Variants in NR3C1 observed in about 807,000 individuals in gnomAD.
The protein encoded by NR3C1 is nuclear receptor subfamily 3 group C member 1.
In NR3C1, 14 loss-of-function variants were observed where a neutral mutation model predicts 74.0. The ratio of observed to expected loss-of-function variants is 0.19; its 90% CI spans 0.12 to 0.30. The LOEUF is 0.30. NR3C1 is among the 10% of genes least tolerant of loss of function. The pLI is 1.00. For missense variants in NR3C1, 695 were observed against 909.8 expected, an observed-to-expected ratio of 0.76 and a Z score of 3.04; for synonymous variants, 308 against 332.5, an observed-to-expected ratio of 0.93 and a Z score of 0.80.
In NR3C1 at chr5:143,280,396, A is replaced by G. The variant is rs2151467784; in HGVS notation, c.*1493T>C. On this transcript the variant is annotated 3_prime_UTR_variant, in exon 9 of 9. Transcript: ENST00000394464. ...ATATTAGAAGTTCCATATTTTTAAT[A>G]TTAGATTTTCAGTTTTCTATTACAC... 6.5e-6 allele frequency: 1 copy of G among 152,750 alleles called. No homozygotes were observed. Among genetic ancestry groups the G allele is most frequent in the East Asian group, 1.9e-4 (1 of 5,192 alleles). 9.5% of individuals were successfully genotyped at this position (152,750 alleles called of 1,614,324 possible).
At chr5:143,295,195 GA>G in intron 7 of NR3C1, 2 of 985,260 alleles carry the variant, frequency 2.0e-6, no homozygotes, top group Non-Finnish European at 2.4e-6. Flanking sequence ...GAAGGAAGGA[GA>G]AAAAAGTCTA....
At position 143,431,930 on chromosome 5, in the gene NR3C1, TGAC is replaced by T. The variant is rs563067620; in HGVS notation, c.-14+2599_-14+2601del. Among the ~76,000 whole-genome samples the T allele has an allele frequency of 2.9e-3, 441 of 152,332 alleles. 4 individuals carry two copies. Among genetic ancestry groups the T allele is most frequent in the African/African-American group, 0.01 (429 of 41,572 alleles). On this transcript the variant is annotated intron_variant, in intron 1 of 8. Coordinates refer to the NR3C1 transcript ENST00000343796. ...AGCAATTACATCCTCTGGCTTTGAA[TGAC>T]ATTTATATGGGTTTGGGAACAGAGA... is the stretch of plus-strand genomic sequence containing the variant.
At chr5:143,314,943 G>C (rs1226499600) in intron 2 of NR3C1, among the ~76,000 whole-genome samples, 1 of 152,188 alleles carries the variant, frequency 6.6e-6, no homozygotes, top group Non-Finnish European at 1.5e-5. Context: ...TGAAGAAGAA[G>C]ACAGAAATGT....
upstream of NR3C1, chr5:143,404,582 A>G: frequency 1.1e-6 from 1 of 934,612 alleles, no homozygotes; most frequent in Non-Finnish European, 1.2e-6. Flanking sequence ...GCCGCCTGCC[A>G]AGTTCAACCC....
At chr5:143,365,218 A>C (rs916470187) in intron 2 of NR3C1, among the ~76,000 whole-genome samples, 6 of 152,256 alleles carry the variant, frequency 3.9e-5, no homozygotes, top group African/African-American at 1.4e-4. Flanking sequence ...TTCCTCATCA[A>C]TAATTACATT....
chr5:143,432,909 A>G (rs1199986004), intron 1 of NR3C1, among the ~76,000 whole-genome samples: 1 of 152,122 alleles, frequency 6.6e-6, no homozygotes, highest in East Asian at 1.9e-4. Context: ...CCCCACGTTC[A>G]TTCGTTCCTT....
intron 7 of NR3C1, among the ~76,000 whole-genome samples, chr5:143,288,125 T>A (rs1384586019): frequency 6.6e-6 from 1 of 152,000 alleles, no homozygotes. Flanking sequence ...GGAATTTTTT[T>A]TTTTTTTTTT....
At chr5:143,357,938 G>A (rs577588806) in intron 2 of NR3C1, among the ~76,000 whole-genome samples, 13 of 152,182 alleles carry the variant, frequency 8.5e-5, no homozygotes, top group African/African-American at 2.2e-4. Context: ...AATAACTAAC[G>A]TAAAACCCTG....
intron 2 of NR3C1, among the ~76,000 whole-genome samples, chr5:143,365,541 T>C (rs1194319665): frequency 6.6e-6 from 1 of 152,098 alleles, no homozygotes; most frequent in Non-Finnish European, 1.5e-5. Flanking sequence ...GTGACAGAAC[T>C]GAAGAAAACA....
intron 2 of NR3C1, among the ~76,000 whole-genome samples, chr5:143,371,292 T>G (rs1834187013): frequency 6.6e-6 from 1 of 152,244 alleles, no homozygotes; most frequent in African/African-American, 2.4e-5. Flanking sequence ...TTCCTTTAAT[T>G]CCAACATTTC....
intron 2 of NR3C1, among the ~76,000 whole-genome samples, chr5:143,359,810 C>T (rs966403414): frequency 6.6e-6 from 1 of 152,058 alleles, no homozygotes; most frequent in Non-Finnish European, 1.5e-5. Context: ...CCCAGCTACT[C>T]GGCAGGCTGA....
At chr5:143,361,147 T>A (rs769532399) in intron 2 of NR3C1, among the ~76,000 whole-genome samples, 1 of 152,182 alleles carries the variant, frequency 6.6e-6, no homozygotes, top group Non-Finnish European at 1.5e-5. Context: ...TCTTTTTTGA[T>A]TGTTAGATTA....
At chr5:143,402,507 C>G (rs1389094939) in intron 1 of NR3C1, 2 of 790,686 alleles carry the variant, frequency 2.5e-6, no homozygotes, top group African/African-American at 3.8e-5. Flanking sequence ...AAACCTCAGG[C>G]GCGAATTAAC....
chr5:143,298,498 C>T (rs561780934), intron 6 of NR3C1, among the ~76,000 whole-genome samples, 170 bp downstream of exon 6: 13 of 152,292 alleles, frequency 8.5e-5, no homozygotes, highest in Non-Finnish European at 1.5e-5. Flanking sequence ...CTTTACATTA[C>T]ACTTGTCCTG....
chr5:143,392,956 G>A (rs530940446), intron 2 of NR3C1, among the ~76,000 whole-genome samples: 105 of 152,228 alleles, frequency 6.9e-4, no homozygotes, highest in Admixed American at 1.8e-3. Context: ...TGGCAACACC[G>A]CTCATTAAGT....
intron 2 of NR3C1, among the ~76,000 whole-genome samples, chr5:143,385,745 T>C (rs1185531223): frequency 6.6e-6 from 1 of 152,214 alleles, no homozygotes; most frequent in African/African-American, 2.4e-5. Flanking sequence ...CATATAACTA[T>C]CAGCATTTTG....
chr5:143,300,396 TG>T lies in NR3C1; in HGVS notation c.1747+88del. 1 of 1,507,504 alleles carries T rather than the reference TG, an allele frequency of 6.6e-7. No individual in the cohort carries two copies. The highest frequency in any genetic ancestry group is 9.2e-7 in the Non-Finnish European group (1 of 1,086,642). The allele number at this position is 1,507,504 out of a possible 1,614,324, so 93.4% of individuals were successfully genotyped here. On this transcript the variant is annotated intron_variant, in intron 5 of 8. Transcript: ENST00000394464. The surrounding 1 kb of genome is among the most constrained non-coding windows in gnomAD (Gnocchi z 5.2). The stretch of plus-strand genomic sequence containing the variant: ...GAACTAAGAGAAACAAGATAAGCCA[TG>T]GGCTCACGATGATATAAAAGCCAAA...
chr5:143,286,636 A>G (rs2151492427), intron 7 of NR3C1, among the ~76,000 whole-genome samples: 1 of 152,264 alleles, frequency 6.6e-6, no homozygotes, highest in Non-Finnish European at 1.5e-5. Context: ...ACTCTCTAGG[A>G]TAGCGATAAT....
chr5:143,310,353 T>C, intron 3 of NR3C1, 140 bp from the exon 4 acceptor site: 1 of 685,440 alleles, frequency 1.5e-6, no homozygotes, highest in Non-Finnish European at 2.6e-6. Context: ...TTGCCTACAT[T>C]GCCATTATGA....
Sources: allele counts gnomAD v4.1 joint callset (sites outside exome capture counted in the v4.1 genomes callset), GRCh38; gene constraint gnomAD v4.1.1; non-coding constraint Gnocchi (gnomAD v3.1); transcripts MANE v1.5; gene names NCBI Gene and HGNC (gene_info 2026-07-23, HGNC 2026-07-21).